IGF1R: variants seen among roughly 807,000 people sequenced by gnomAD.
The protein encoded by IGF1R is insulin-like growth factor 1 receptor.
Under a neutral mutation model 144.6 loss-of-function variants are expected in IGF1R, and 44 were observed. That is an observed-to-expected ratio of 0.30 (90% CI 0.24 to 0.39). The LOEUF is 0.39. Among genes scored for constraint, IGF1R ranks in the 10% least tolerant of loss-of-function variants. IGF1R has a pLI of 1.00. For missense variants in IGF1R, 1,355 were observed against 1,833.7 expected, an observed-to-expected ratio of 0.74 and a Z score of 4.77; for synonymous variants, 795 against 722.8, an observed-to-expected ratio of 1.10 and a Z score of -1.60.
chr15:98,758,667 A>G (rs1029819247), intron 2 of IGF1R, among the ~76,000 whole-genome samples: 16 of 152,176 alleles, frequency 1.1e-4, no homozygotes, highest in African/African-American at 3.4e-4. Context: ...CTCAGTTACA[A>G]TGACCATGGA....
chr15:98,933,410 C>G (rs1273918891), intron 15 of IGF1R, among the ~76,000 whole-genome samples: 1 of 151,994 alleles, frequency 6.6e-6, no homozygotes, highest in African/African-American at 2.4e-5. Flanking sequence ...GTGGTGCAGT[C>G]TCAGCTCCCA....
chr15:98,714,609 C>T (rs1417056239), intron 2 of IGF1R, among the ~76,000 whole-genome samples: 1 of 151,058 alleles, frequency 6.6e-6, no homozygotes. Context: ...GGTTGTGCCA[C>T]TGCACTTCAG....
intron 2 of IGF1R, among the ~76,000 whole-genome samples, chr15:98,738,614 G>T (rs1005871792): frequency 6.6e-6 from 1 of 152,186 alleles, no homozygotes; most frequent in Non-Finnish European, 1.5e-5. Context: ...CTGAGGCTCA[G>T]ATTCCCCCCC....
At position 98,962,485 on chromosome 15, in the gene IGF1R, A is replaced by C. The variant is rs1049730490; in HGVS notation, c.*5043A>C. On this transcript the variant is annotated 3_prime_UTR_variant, in exon 21 of 21. Transcript: ENST00000650285. The stretch of plus-strand genomic sequence containing the variant: ...GTACAAATGAGAACTTCAAGAGAGG[A>C]TGTTATTTAGACTGAACCTCTGTTG... The C allele has an allele frequency of 4.3e-6, 1 of 233,544 alleles. No homozygotes were observed. Among genetic ancestry groups the C allele is most frequent in the African/African-American group, 2.2e-5 (1 of 45,328 alleles). 14.5% of individuals were successfully genotyped at this position (233,544 alleles called of 1,614,324 possible). A position where few individuals can be genotyped will look rare whatever the true frequency, so the allele number is the denominator to read the frequency against.
intron 2 of IGF1R, among the ~76,000 whole-genome samples, chr15:98,877,634 T>A (rs1035244219): frequency 6.6e-6 from 1 of 152,008 alleles, no homozygotes; most frequent in African/African-American, 2.4e-5. Context: ...TGAATAGGTG[T>A]GTATCCTCCT....
In IGF1R at chr15:98,872,704, A is replaced by G. The variant is rs546198657; in HGVS notation, c.641-18621A>G. Among the ~76,000 whole-genome samples the G allele has an allele frequency of 2.0e-5, 3 of 152,352 alleles. No individual in the cohort carries two copies. The South Asian group carries it at 6.2e-4, about 32-fold the overall frequency. On this transcript the variant is annotated intron_variant, in intron 2 of 20. Coordinates refer to ENST00000650285, the MANE Select transcript of IGF1R (RefSeq NM_000875.5). ...GCAGCCAATAAATGACAAAGCTGGG[A>G]TAGAAACTTACTTCATTCTAACCCG...
intron 2 of IGF1R, among the ~76,000 whole-genome samples, chr15:98,806,142 G>T (rs971602948): frequency 6.6e-6 from 1 of 152,166 alleles, no homozygotes; most frequent in Non-Finnish European, 1.5e-5. Flanking sequence ...TCACTCACCT[G>T]GGCTCACAAA....
At chr15:98,761,301 G>A (rs1192072328) in intron 2 of IGF1R, among the ~76,000 whole-genome samples, 1 of 152,222 alleles carries the variant, frequency 6.6e-6, no homozygotes, top group South Asian at 2.1e-4. Flanking sequence ...TCAAGCTTTT[G>A]CTGAGTCCTA....
chr15:98,836,681 T>C (rs1044146372), intron 2 of IGF1R, among the ~76,000 whole-genome samples: 5 of 152,202 alleles, frequency 3.3e-5, no homozygotes, highest in African/African-American at 7.2e-5. Flanking sequence ...CCCACTAATA[T>C]CCTTTTTCAG....
Position 98,957,269 on chromosome 15 carries a change from TCGTCCTCCC to T in IGF1R, c.3932_3940del (p.Ser1311_Ser1313del), listed in dbSNP as rs1567223342. ...CGTCCCCCTGGACCCCTCGGCCTCC[TCGTCCTCCC>T]TGCCACTGCCCGACAGACACTCAGG... is the stretch of plus-strand genomic sequence containing the variant. On this transcript the variant is annotated inframe_deletion, in exon 21 of 21. Transcript: ENST00000650285. 6.2e-7 allele frequency: 1 copy of T among 1,613,974 alleles called. No homozygotes were observed. The highest frequency in any genetic ancestry group is 2.2e-5 in the East Asian group (1 of 44,872).
In IGF1R at chr15:98,829,892, A is replaced by G. The variant is rs181911282; in HGVS notation, c.641-61433A>G. Among the ~76,000 whole-genome samples the G allele has an allele frequency of 3.8e-3, 572 of 152,328 alleles. 3 individuals carry two copies. Among genetic ancestry groups the G allele is most frequent in the African/African-American group, 0.013 (531 of 41,576 alleles). On this transcript the variant is annotated intron_variant, in intron 2 of 20. Coordinates refer to ENST00000650285, the MANE Select transcript of IGF1R (RefSeq NM_000875.5). ...CGTGTACCTTGTTTTTCATTGTAAA[A>G]CTATTTAATTATGAAAATGAGAGTG... is the stretch of plus-strand genomic sequence containing the variant.
intron 1 of IGF1R, among the ~76,000 whole-genome samples, chr15:98,681,194 T>C (rs989305230): frequency 1.3e-5 from 2 of 152,308 alleles, no homozygotes; most frequent in Admixed American, 6.5e-5. Context: ...TTGGTTATGT[T>C]AGGATTCTGT....
intron 2 of IGF1R, among the ~76,000 whole-genome samples, chr15:98,874,028 C>A (rs372580179): frequency 8.5e-5 from 13 of 152,168 alleles, no homozygotes; most frequent in African/African-American, 2.9e-4. Context: ...CCCTGCGGCG[C>A]TTCCTCTGCC....
At chr15:98,932,439 G>A (rs12323966) in intron 15 of IGF1R, among the ~76,000 whole-genome samples, 16,737 of 152,124 alleles carry the variant, frequency 0.11, 2,168 homozygotes, top group African/African-American at 0.32. Flanking sequence ...CACAGAAACC[G>A]CTCCTGGCTG....
intron 10 of IGF1R, among the ~76,000 whole-genome samples, chr15:98,918,915 G>A (rs1357553402): frequency 6.6e-6 from 1 of 152,066 alleles, no homozygotes; most frequent in Non-Finnish European, 1.5e-5. Context: ...AGAAGGGCCT[G>A]CGAGGCCCTC....
intron 2 of IGF1R, among the ~76,000 whole-genome samples, chr15:98,859,630 C>T (rs149924379): frequency 2.0e-5 from 3 of 152,252 alleles, no homozygotes; most frequent in African/African-American, 7.2e-5. Context: ...TTTTTGCAAG[C>T]TTGTGCATTT....
At position 98,881,495 on chromosome 15, in the gene IGF1R, G is replaced by A. The variant is rs907626890; in HGVS notation, c.641-9830G>A. On this transcript the variant is annotated intron_variant, in intron 2 of 20. Coordinates refer to ENST00000650285, the MANE Select transcript of IGF1R (RefSeq NM_000875.5). ...CCACCACCACACCTAGCTAATTTTT[G>A]TATTTTTAGTAGAGATCGGCTTTCA... is the stretch of plus-strand genomic sequence containing the variant. Among the ~76,000 whole-genome samples the A allele has an allele frequency of 2.8e-4, 42 of 152,176 alleles. 1 individual carries two copies. Among genetic ancestry groups the A allele is most frequent in the Admixed American group, 2.7e-3 (41 of 15,284 alleles).
At chr15:98,696,938 C>G (rs1039042536) in intron 1 of IGF1R, among the ~76,000 whole-genome samples, 1 of 152,124 alleles carries the variant, frequency 6.6e-6, no homozygotes, top group Non-Finnish European at 1.5e-5. Flanking sequence ...CGTAGGATGC[C>G]TCAGTGAAGA....
chr15:98,909,775 T>C lies in IGF1R; in HGVS notation c.1462+876T>C, dbSNP rs546790344. Among the ~76,000 whole-genome samples, 17 of 152,374 alleles carry C rather than the reference T, an allele frequency of 1.1e-4. 1 individual carries two copies. Among genetic ancestry groups the C allele is most frequent in the African/African-American group, 7.2e-5 (3 of 41,592 alleles). On this transcript the variant is annotated intron_variant, in intron 6 of 20. Coordinates refer to ENST00000650285, the MANE Select transcript of IGF1R (RefSeq NM_000875.5). ...GTGAGCCTGCAGCCCTGAGTTGATA[T>C]TGCTTTTTAAATTGAGAACAATATA... is the stretch of plus-strand genomic sequence containing the variant.
Sources: allele counts gnomAD v4.1 joint callset (sites outside exome capture counted in the v4.1 genomes callset), GRCh38; gene constraint gnomAD v4.1.1; transcripts MANE v1.5; gene names NCBI Gene and HGNC (gene_info 2026-07-23, HGNC 2026-07-21).